The following DPF3 variants were observed in gnomAD, a reference collection of about 807,000 sequenced individuals.
DPF3 encodes zinc finger protein DPF3.
DPF3 carries 18 observed loss-of-function variants against 56.8 expected under a neutral mutation model. The observed-to-expected ratio is 0.32, with a 90% CI of 0.22 to 0.47. DPF3 has a LOEUF of 0.47. DPF3 is among the 20% of genes least tolerant of loss of function. The probability of loss-of-function intolerance (pLI) is 1.00; values close to 1 mark genes in which losing one functional copy is unlikely to be tolerated. For synonymous variants in DPF3, 188 were observed against 180.2 expected, an observed-to-expected ratio of 1.04 and a Z score of -0.35; for missense variants, 403 against 488.8, an observed-to-expected ratio of 0.82 and a Z score of 1.65.
rs1201495956 is a variant in DPF3, at chr14:72,688,277, G to A, written c.742+4799C>T. On this transcript the variant is annotated intron_variant, in intron 7 of 10. Transcript: ENST00000556509. ...TGGATGGGTGGGTGGATGAGTGGGT[G>A]GGTGGGTGGGTGGATGGATGGGTGG... Among the ~76,000 whole-genome samples, 9 of 114,982 alleles carry A rather than the reference G, an allele frequency of 7.8e-5. 1 individual carries two copies. The highest frequency in any genetic ancestry group is 1.6e-4 in the Non-Finnish European group (9 of 55,578). 75.4% of individuals were successfully genotyped at this position (114,982 alleles called of 152,430 possible).
intron 7 of DPF3, among the ~76,000 whole-genome samples, chr14:72,683,448 C>T (rs1887255362): frequency 1.0e-5 from 1 of 100,154 alleles, no homozygotes; most frequent in Non-Finnish European, 2.0e-5. Flanking sequence ...GATGCAGCCT[C>T]AAGCTTGAGA....
At chr14:72,756,910 G>GAAAGAAAGAAAGAAAGAA (rs1555504022) in intron 2 of DPF3, among the ~76,000 whole-genome samples, 11 of 132,758 alleles carry the variant, frequency 8.3e-5, no homozygotes, top group African/African-American at 3.6e-4. Context: ...AAGAAAAAAA[G>GAAAGAAAGAAAGAAAGAA]AAAGAAAGAA....
At chr14:72,857,008 A>C (rs911694347) in intron 1 of DPF3, among the ~76,000 whole-genome samples, 3 of 152,208 alleles carry the variant, frequency 2.0e-5, no homozygotes, top group African/African-American at 7.2e-5. Context: ...CTTCCAGCAG[A>C]TTCCATTAGT....
intron 1 of DPF3, among the ~76,000 whole-genome samples, chr14:72,792,790 G>C (rs1020747419): frequency 3.9e-5 from 6 of 152,068 alleles, no homozygotes; most frequent in Non-Finnish European, 5.9e-5. Context: ...CAAATCTCCA[G>C]AGCTGACCTG....
At chr14:72,647,001 G>C (rs900460968) in intron 8 of DPF3, among the ~76,000 whole-genome samples, 6 of 152,334 alleles carry the variant, frequency 3.9e-5, no homozygotes, top group Middle Eastern at 3.4e-3. Flanking sequence ...GTCTCCTGGG[G>C]ACTCTTGCAC....
At chr14:72,755,343 C>A (rs771631552) in intron 2 of DPF3, among the ~76,000 whole-genome samples, 7 of 152,190 alleles carry the variant, frequency 4.6e-5, no homozygotes, top group Non-Finnish European at 5.9e-5. Context: ...CTGCTTGGAG[C>A]TTTAGACCCA....
At chr14:72,781,566 T>G (rs1368439564) in intron 1 of DPF3, among the ~76,000 whole-genome samples, 2 of 152,280 alleles carry the variant, frequency 1.3e-5, no homozygotes, top group African/African-American at 4.8e-5. Flanking sequence ...AAGACAGAAT[T>G]TATATTGAAC....
At chr14:72,879,857 G>T in intron 1 of DPF3, 1 of 1,535,592 alleles carries the variant, frequency 6.5e-7, no homozygotes. Flanking sequence ...CCAGGTCTGT[G>T]AACCCCATAA....
intron 3 of DPF3, among the ~76,000 whole-genome samples, chr14:72,738,778 C>T (rs1468678084): frequency 6.6e-6 from 1 of 152,088 alleles, no homozygotes; most frequent in Admixed American, 6.5e-5. Flanking sequence ...TTCTCATGCA[C>T]ACACAAAAAA....
chr14:72,709,772 C>T (rs1888576372), intron 6 of DPF3, among the ~76,000 whole-genome samples: 1 of 151,838 alleles, frequency 6.6e-6, no homozygotes, highest in Non-Finnish European at 1.5e-5. Flanking sequence ...AGTTTCTTCA[C>T]GGTAAAGTGA....
intron 2 of DPF3, among the ~76,000 whole-genome samples, chr14:72,762,797 A>G (rs1891118891): frequency 6.6e-6 from 1 of 151,972 alleles, no homozygotes; most frequent in South Asian, 2.1e-4. Context: ...AAAAGAAAGA[A>G]GTAAGTTTTC....
chr14:72,842,090 G>GAAA (rs397952214), intron 1 of DPF3, among the ~76,000 whole-genome samples: 3 of 117,546 alleles, frequency 2.6e-5, no homozygotes, highest in Admixed American at 8.7e-5. Flanking sequence ...CTGTCTCTAA[G>GAAA]AAAAAAAAAA....
chr14:72,814,003 A>G (rs1488855168), intron 1 of DPF3, among the ~76,000 whole-genome samples: 1 of 151,876 alleles, frequency 6.6e-6, no homozygotes, highest in Non-Finnish European at 1.5e-5. Flanking sequence ...TTTCTTGTCC[A>G]CCCCACCCAC....
chr14:72,706,897 A>C (rs1012167645), intron 6 of DPF3, among the ~76,000 whole-genome samples: 1 of 151,910 alleles, frequency 6.6e-6, no homozygotes, highest in Admixed American at 6.6e-5. Context: ...ACATATGTAT[A>C]CATGTGCCAT....
intron 1 of DPF3, among the ~76,000 whole-genome samples, chr14:72,861,802 A>G (rs562005045): frequency 9.7e-5 from 14 of 144,130 alleles, no homozygotes; most frequent in Non-Finnish European, 1.8e-4. Flanking sequence ...AAAGAAAGAA[A>G]GAAGGAAAGA....
At chr14:72,668,972 A>T (rs1432327897) in intron 8 of DPF3, among the ~76,000 whole-genome samples, 1 of 152,198 alleles carries the variant, frequency 6.6e-6, no homozygotes, top group African/African-American at 2.4e-5. Flanking sequence ...GAATATGACA[A>T]CCTTGGAGGT....
chr14:72,848,829 C>G (rs1241094448), intron 1 of DPF3, among the ~76,000 whole-genome samples: 5 of 152,152 alleles, frequency 3.3e-5, no homozygotes, highest in Admixed American at 2.0e-4. Context: ...GTTGTTGGCT[C>G]TCTGCTGAGA....
rs1472677130 is a variant in DPF3 at position 72,876,642 on chromosome 14, A to T, written c.32+17415T>A. Among the ~76,000 whole-genome samples the T allele has an allele frequency of 2.0e-5, 3 of 152,146 alleles. No individual in the cohort carries two copies. The East Asian group carries it at 5.8e-4, about 29-fold the overall frequency. On this transcript the variant is annotated intron_variant, in intron 1 of 10. Transcript: ENST00000556509. ...AGAAAGGAAGGGTGTCCCCAAAGGA[A>T]TCGCTCAAACGCCTCACGTCTTTGT...
chr14:72,786,885 G>A (rs1002827824), intron 1 of DPF3, among the ~76,000 whole-genome samples: 4 of 152,212 alleles, frequency 2.6e-5, no homozygotes, highest in Non-Finnish European at 5.9e-5. Context: ...TCCCTTGAAA[G>A]CCCTGTTTCA....
Sources: allele counts gnomAD v4.1 joint callset (sites outside exome capture counted in the v4.1 genomes callset), GRCh38; gene constraint gnomAD v4.1.1; transcripts MANE v1.5; gene names NCBI Gene and HGNC (gene_info 2026-07-23, HGNC 2026-07-21).